The following RORA variants were observed in gnomAD, a reference collection of about 807,000 sequenced individuals.
The protein encoded by RORA is RAR related orphan receptor A.
In RORA, 7 loss-of-function variants were observed where a neutral mutation model predicts 69.5. The observed-to-expected ratio is 0.10, with a 90% CI of 0.06 to 0.19. The LOEUF (loss-of-function observed/expected upper bound fraction) is 0.19, where lower values mean the gene tolerates loss of function less well. RORA is among the 10% of genes least tolerant of loss of function. The pLI, the probability that RORA is intolerant of heterozygous loss-of-function variation, is 1.00. For synonymous variants in RORA, 261 were observed against 240.8 expected, an observed-to-expected ratio of 1.08 and a Z score of -0.78; for missense variants, 457 against 663.0, an observed-to-expected ratio of 0.69 and a Z score of 3.41.
intron 1 of RORA, among the ~76,000 whole-genome samples, chr15:60,769,264 A>G (rs2072036182): frequency 6.6e-6 from 1 of 152,240 alleles, no homozygotes; most frequent in Non-Finnish European, 1.5e-5. Context: ...GCTATTTGAG[A>G]TAACTGTCTC....
intron 1 of RORA, among the ~76,000 whole-genome samples, chr15:60,734,981 A>G (rs2071479388): frequency 6.6e-6 from 1 of 152,224 alleles, no homozygotes; most frequent in African/African-American, 2.4e-5. Context: ...GTTGGGTATA[A>G]AAGAGAGTTA....
chr15:60,942,513 T>C (rs1046654174), intron 1 of RORA, among the ~76,000 whole-genome samples: 5 of 152,272 alleles, frequency 3.3e-5, no homozygotes, highest in African/African-American at 4.8e-5. Flanking sequence ...AGGTTTCTTG[T>C]ATCTTATACT....
At chr15:61,092,379 T>G (rs1467117390) in intron 1 of RORA, among the ~76,000 whole-genome samples, 1 of 152,254 alleles carries the variant, frequency 6.6e-6, no homozygotes, top group African/African-American at 2.4e-5. Context: ...TGAACGACAT[T>G]GCAGCTCCAT....
At chr15:60,877,222 A>G (rs1458656765) in intron 1 of RORA, among the ~76,000 whole-genome samples, 3 of 152,368 alleles carry the variant, frequency 2.0e-5, no homozygotes, top group African/African-American at 7.2e-5. Flanking sequence ...CTGAGCATGT[A>G]TGAAATCCAG....
intron 1 of RORA, among the ~76,000 whole-genome samples, chr15:60,830,521 G>T (rs1013885177): frequency 1.3e-5 from 2 of 152,182 alleles, no homozygotes; most frequent in Non-Finnish European, 2.9e-5. Context: ...AACTAAGGCA[G>T]ATTTATTGTC....
chr15:61,053,442 G>C (rs2078042766), intron 1 of RORA, among the ~76,000 whole-genome samples: 1 of 152,100 alleles, frequency 6.6e-6, no homozygotes, highest in African/African-American at 2.4e-5. Context: ...TTGGGCAGCA[G>C]AGAAAGCTCA....
chr15:61,062,194 G>T (rs770581139), intron 1 of RORA, among the ~76,000 whole-genome samples: 2 of 152,152 alleles, frequency 1.3e-5, no homozygotes, highest in Non-Finnish European at 2.9e-5. Flanking sequence ...GTGGACACAG[G>T]CCTTGTCCCC....
chr15:60,649,372 A>G (rs1333563631), intron 2 of RORA, among the ~76,000 whole-genome samples: 1 of 152,140 alleles, frequency 6.6e-6, no homozygotes, highest in African/African-American at 2.4e-5. Flanking sequence ...TCCCACACAC[A>G]TATTGAGGGG....
chr15:61,026,428 C>G (rs1348785733), intron 1 of RORA, among the ~76,000 whole-genome samples: 1 of 152,136 alleles, frequency 6.6e-6, no homozygotes, highest in Non-Finnish European at 1.5e-5. Flanking sequence ...ACTTTTTATA[C>G]AAAGGAATCA....
chr15:60,620,153 G>A (rs2069366641), intron 2 of RORA, among the ~76,000 whole-genome samples: 1 of 152,198 alleles, frequency 6.6e-6, no homozygotes. Context: ...GGAGTCCCAG[G>A]ATATCTGGTG....
intron 1 of RORA, among the ~76,000 whole-genome samples, chr15:60,841,954 T>A (rs1595759557): frequency 1.3e-5 from 2 of 152,074 alleles, no homozygotes; most frequent in South Asian, 4.2e-4. Flanking sequence ...GATGGTGGCC[T>A]TCCCCCAGGA....
intron 1 of RORA, among the ~76,000 whole-genome samples, chr15:60,937,867 T>C (rs1892572962): frequency 6.6e-6 from 1 of 152,208 alleles, no homozygotes. Context: ...CCAATGAAGA[T>C]TCTATATGTG....
intron 2 of RORA, among the ~76,000 whole-genome samples, chr15:60,576,574 G>C (rs112890771): frequency 2.0e-5 from 3 of 152,230 alleles, no homozygotes; most frequent in African/African-American, 7.2e-5. Flanking sequence ...AAATTTCAGG[G>C]AAGGTTGGGC....
intron 1 of RORA, among the ~76,000 whole-genome samples, chr15:60,805,122 C>G (rs1307057120): frequency 6.6e-6 from 1 of 152,180 alleles, no homozygotes. Flanking sequence ...CAACCTGCAG[C>G]TGGAGTTGTC....
chr15:61,208,441 T>A (rs1295409468), intron 1 of RORA, among the ~76,000 whole-genome samples: 8 of 152,210 alleles, frequency 5.3e-5, no homozygotes, highest in Non-Finnish European at 1.2e-4. Flanking sequence ...GTGGATCTTC[T>A]GGGGCTGATG....
chr15:60,838,168 C>T (rs1004367122), intron 1 of RORA, among the ~76,000 whole-genome samples: 1 of 152,154 alleles, frequency 6.6e-6, no homozygotes. Flanking sequence ...CCTTAGACCT[C>T]TATCCTATTG....
At chr15:60,596,792 T>C (rs1273384268) in intron 2 of RORA, among the ~76,000 whole-genome samples, 1 of 152,218 alleles carries the variant, frequency 6.6e-6, no homozygotes, top group African/African-American at 2.4e-5. Flanking sequence ...GATTGAAATA[T>C]GCATGTATGT....
intron 1 of RORA, among the ~76,000 whole-genome samples, chr15:60,777,153 C>T (rs2072180160): frequency 6.6e-6 from 1 of 152,178 alleles, no homozygotes; most frequent in Non-Finnish European, 1.5e-5. Flanking sequence ...AAAACAGAGC[C>T]AAAATAACTA....
chr15:60,635,891 A>T (rs570631407), intron 2 of RORA, among the ~76,000 whole-genome samples: 1 of 151,902 alleles, frequency 6.6e-6, no homozygotes, highest in East Asian at 1.9e-4. Flanking sequence ...GCCCAAATCA[A>T]CTCCAAATTT....
Sources: allele counts gnomAD v4.1 joint callset (sites outside exome capture counted in the v4.1 genomes callset), GRCh38; gene constraint gnomAD v4.1.1; transcripts MANE v1.5; gene names NCBI Gene and HGNC (gene_info 2026-07-23, HGNC 2026-07-21).